The following UTRN variants were observed in gnomAD, a reference collection of about 807,000 sequenced individuals.
UTRN encodes dystrophin-related protein 1.
A neutral mutation model predicts 463.9 loss-of-function variants in UTRN; 283 were observed. That is an observed-to-expected ratio of 0.61 (90% CI 0.55 to 0.67). UTRN has a LOEUF of 0.67. Ranked by LOEUF, UTRN falls within the 30% of genes least tolerant of loss-of-function variation. The probability of loss-of-function intolerance (pLI) is 0.00; values close to 1 mark genes in which losing one functional copy is unlikely to be tolerated. For missense variants in UTRN, 3,922 were observed against 4,084.3 expected (o/e 0.96, Z 1.08); for synonymous variants, 1,442 against 1,431.5 (o/e 1.01, Z -0.17).
At chr6:144,504,625 A>C (rs747459036) in intron 34 of UTRN, among the ~76,000 whole-genome samples, 1 of 152,160 alleles carries the variant, frequency 6.6e-6, no homozygotes, top group Non-Finnish European at 1.5e-5. Context: ...ATCATGGTGG[A>C]TACACTTTTT....
Position 144,840,848 on chromosome 6 carries a change from TGCAGCACCACA to T in UTRN, c.10270+19_10270+29del, listed in dbSNP as rs1243273578. On this transcript the variant is annotated intron_variant, in intron 73 of 74. Transcript: ENST00000367545. The stretch of plus-strand genomic sequence containing the variant: ...TCTTGCTGCCGTGAGTATGAAAGAT[TGCAGCACCACA>T]GCTGCACGTGTTCCTTCCCTTTCTC... 1.2e-6 allele frequency: 2 copies of T among 1,613,568 alleles called. No individual in the cohort carries two copies. The highest frequency in any genetic ancestry group is 4.5e-5 in the East Asian group (2 of 44,844).
chr6:144,473,190 T>A (rs1177369603), intron 23 of UTRN, among the ~76,000 whole-genome samples: 1 of 152,208 alleles, frequency 6.6e-6, no homozygotes, highest in African/African-American at 2.4e-5. Flanking sequence ...TAGCTGGATT[T>A]TATATATATA....
At chr6:144,389,024 A>T (rs545828155) in intron 2 of UTRN, among the ~76,000 whole-genome samples, 2 of 152,176 alleles carry the variant, frequency 1.3e-5, no homozygotes, top group Non-Finnish European at 2.9e-5. Context: ...TGTGCCTGTG[A>T]CACAGCCTCA....
chr6:144,483,036 T>C (rs2128574570), intron 27 of UTRN, among the ~76,000 whole-genome samples: 1 of 152,352 alleles, frequency 6.6e-6, no homozygotes, highest in South Asian at 2.1e-4. Context: ...TAAGAAGGCT[T>C]TCAATTTACA....
chr6:144,580,344 C>T (rs1027092639), intron 51 of UTRN, among the ~76,000 whole-genome samples: 1 of 152,120 alleles, frequency 6.6e-6, no homozygotes, highest in African/African-American at 2.4e-5. Flanking sequence ...CTGACACATT[C>T]GCTGTTTATA....
At position 144,533,149 on chromosome 6, in the gene UTRN, G is replaced by C; in HGVS notation, c.6122G>C (p.Gly2041Ala). 3 of 1,614,064 alleles carry C rather than the reference G, an allele frequency of 1.9e-6. No homozygotes were observed. Among genetic ancestry groups the C allele is most frequent in the Non-Finnish European group, 2.5e-6 (3 of 1,179,976 alleles). Reference sequence around the variant, plus strand: ...GCAGCACTAAACCGAACTGGGGATGGGATTGTGCAGAAACTCTCCCAGGCA... The same window carrying C: ...GCAGCACTAAACCGAACTGGGGATGCGATTGTGCAGAAACTCTCCCAGGCA... ...SFAALNRTGD[G>A]IVQKLSQADG... Residue 2041 changes from glycine (G) to alanine (A), a missense_variant, in exon 43 of 75, where the codon GGG (glycine) becomes GCG (alanine). Physicochemically the swap from Gly to Ala is moderately conservative, Grantham distance 60. This residue lies in a region of UTRN where 2,349 missense variants were observed against 2,303.8 expected (regional missense o/e 1.02). Transcript: ENST00000367545.
intron 23 of UTRN, among the ~76,000 whole-genome samples, chr6:144,470,706 G>C (rs903264200): frequency 2.6e-5 from 4 of 152,032 alleles, no homozygotes; most frequent in Non-Finnish European, 5.9e-5. Flanking sequence ...AGCGAGCCGA[G>C]ATCACGCCAC....
intron 2 of UTRN, among the ~76,000 whole-genome samples, chr6:144,303,428 G>A (rs915180144): frequency 6.6e-6 from 1 of 152,130 alleles, no homozygotes; most frequent in African/African-American, 2.4e-5. Flanking sequence ...TTTTCAAATC[G>A]TACTGTAATT....
chr6:144,309,709 C>T (rs1171139896), intron 2 of UTRN, among the ~76,000 whole-genome samples: 2 of 152,194 alleles, frequency 1.3e-5, no homozygotes, highest in African/African-American at 4.8e-5. Context: ...CTGAACCCCA[C>T]AGTAGAGGGA....
intron 34 of UTRN, among the ~76,000 whole-genome samples, chr6:144,508,866 G>A (rs1794926209): frequency 6.6e-6 from 1 of 152,106 alleles, no homozygotes; most frequent in African/African-American, 2.4e-5. Context: ...GATTTGACAT[G>A]CTAAGTTCAT....
At chr6:144,290,752 C>CTTTT (rs200477118) in intron 1 of UTRN, among the ~76,000 whole-genome samples, 16 of 99,170 alleles carry the variant, frequency 1.6e-4, no homozygotes, top group East Asian at 3.0e-4. Flanking sequence ...CCACAATCGT[C>CTTTT]TTTTTTTTTT....
intron 51 of UTRN, among the ~76,000 whole-genome samples, chr6:144,664,379 A>G (rs1210385300): frequency 2.0e-5 from 3 of 151,222 alleles, no homozygotes; most frequent in Non-Finnish European, 4.4e-5. Flanking sequence ...TTCAGTTTTG[A>G]TTACACGATC....
Position 144,782,017 on chromosome 6 carries a change from T to C in UTRN, c.8728T>C (p.Cys2910Arg), listed in dbSNP as rs1306543246. ...QLLSVPDVIN[C>R]LTTTYDGLEQ... ...CCTCAGTGTTCCAGATGTCATCAAC[T>C]GTCTGACAACAACTTATGATGGACT... Residue 2910 changes from cysteine to arginine, a missense_variant, in exon 61 of 75, where the codon TGT (cysteine) becomes CGT (arginine). Around this residue, in one of 3 missense-constraint regions of UTRN, gnomAD observed 1,309 missense variants for 1,452.6 expected, o/e 0.90. Transcript: ENST00000367545. The C allele has an allele frequency of 8.1e-6, 13 of 1,614,074 alleles. No homozygotes were observed. The highest frequency in any genetic ancestry group is 1.7e-6 in the Non-Finnish European group (2 of 1,179,980).
intron 2 of UTRN, among the ~76,000 whole-genome samples, chr6:144,327,349 A>T (rs977169185): frequency 1.3e-5 from 2 of 152,162 alleles, no homozygotes; most frequent in African/African-American, 2.4e-5. Context: ...TTTGTGTAAA[A>T]GAAATGCTGT....
In UTRN at chr6:144,730,407, C is replaced by G. The variant is rs747525725; in HGVS notation, c.7860C>G (p.Val2620=). ...KEKEYSVLNA[V]DQARVFLADQ... is the part of the protein sequence containing the mutation. ...AAGAATATTCTGTCCTGAATGCTGT[C>G]GACCAGGCCCGAGTTTTCTTGGCTG... Residue 2620 remains valine (V), a synonymous_variant, in exon 54 of 75, where the codon GTC becomes GTG. Coordinates refer to ENST00000367545, the MANE Select transcript of UTRN (RefSeq NM_007124.3). The G allele has an allele frequency of 1.2e-6, 2 of 1,612,106 alleles. No individual in the cohort carries two copies. The highest frequency in any genetic ancestry group is 8.5e-7 in the Non-Finnish European group (1 of 1,179,000).
chr6:144,477,908 T>TATCTATCTATCTATCTATCTATCC (rs376542743), intron 25 of UTRN, among the ~76,000 whole-genome samples: 2 of 147,426 alleles, frequency 1.4e-5, no homozygotes, highest in South Asian at 2.2e-4. Flanking sequence ...TCTATCTATC[T>TATCTATCTATCTATCTATCTATCC]ATCCATCCAT....
At chr6:144,708,398 T>C in intron 53 of UTRN, 1 of 637,076 alleles carries the variant, frequency 1.6e-6, no homozygotes, top group Non-Finnish European at 3.0e-6. Flanking sequence ...TTTAGAGGCT[T>C]TGCCTTTGGC....
Position 144,490,080 on chromosome 6 carries a change from G to A in UTRN, c.4144G>A (p.Ala1382Thr), listed in dbSNP as rs2128578742. ...TCCAATCTCTTTTTAGAAAATCCAA[G>A]CAGAGATCTCAGCCCATGAGCTAAC... is the stretch of plus-strand genomic sequence containing the variant. ...QVPQEAQKIQ[A>T]EISAHELTLE... Residue 1382 changes from alanine to threonine, a missense_variant, in exon 31 of 75, where the codon GCA becomes ACA. Physicochemically the swap from Ala to Thr is moderately conservative, Grantham distance 58. Around this residue, in one of 3 missense-constraint regions of UTRN, gnomAD observed 2,349 missense variants for 2,303.8 expected, o/e 1.02. Transcript: ENST00000367545. The A allele has an allele frequency of 1.9e-6, 3 of 1,608,456 alleles. No individual in the cohort carries two copies. The highest frequency in any genetic ancestry group is 2.2e-5 in the East Asian group (1 of 44,806).
chr6:144,626,012 C>T (rs1775906461), intron 51 of UTRN, among the ~76,000 whole-genome samples: 1 of 152,116 alleles, frequency 6.6e-6, no homozygotes, highest in Non-Finnish European at 1.5e-5. Flanking sequence ...GACAATATTT[C>T]TATAGCTGTA....
Sources: allele counts gnomAD v4.1 joint callset (sites outside exome capture counted in the v4.1 genomes callset), GRCh38; gene constraint gnomAD v4.1.1; regional missense constraint gnomAD v4.1.1; transcripts MANE v1.5; gene names NCBI Gene and HGNC (gene_info 2026-07-23, HGNC 2026-07-21).